Variants in DMD observed in about 807,000 individuals in gnomAD.
The protein encoded by DMD is dystrophin.
A neutral mutation model predicts 330.1 loss-of-function variants in DMD; 63 were observed. The observed-to-expected ratio is 0.19, with a 90% CI of 0.16 to 0.24. The LOEUF (loss-of-function observed/expected upper bound fraction) is 0.24, where lower values mean the gene tolerates loss of function less well. Ranked by LOEUF, DMD falls within the 10% of genes least tolerant of loss-of-function variation. The pLI is 1.00. For synonymous variants in DMD, 1,223 were observed against 959.8 expected (o/e 1.27, Z -5.07); for missense variants, 3,344 against 2,684.1 (o/e 1.25, Z -5.43).
intron 61 of DMD, among the ~76,000 whole-genome samples, chrX:31,333,064 AT>A (rs2057220133): frequency 9.0e-6 from 1 of 111,563 alleles, no homozygotes; most frequent in African/African-American, 3.3e-5. Context: ...TCTTTAAAAA[AT>A]GTTACGCGGT....
chrX:31,621,617 T>C (rs2078536092), intron 55 of DMD, among the ~76,000 whole-genome samples: 1 of 111,861 alleles, frequency 8.9e-6, no homozygotes, highest in Non-Finnish European at 1.9e-5. Flanking sequence ...TTAAACCTGA[T>C]AAAATCCTGT....
intron 55 of DMD, 65 bp downstream of exon 55, chrX:31,627,608 G>A: frequency 1.8e-6 from 2 of 1,133,264 alleles, no homozygotes; most frequent in Non-Finnish European, 2.4e-6. Context: ...TCAGTTACAA[G>A]TACAAATGCT....
chrX:32,664,311 C>G (rs1396726144), intron 9 of DMD, among the ~76,000 whole-genome samples: 5 of 104,023 alleles, frequency 4.8e-5, no homozygotes, highest in Non-Finnish European at 7.9e-5. Flanking sequence ...GCGCGATATC[C>G]GCTCACTACA....
At chrX:32,701,482 G>T (rs1668788816) in intron 7 of DMD, among the ~76,000 whole-genome samples, 1 of 111,486 alleles carries the variant, frequency 9.0e-6, no homozygotes, top group Non-Finnish European at 1.9e-5. Context: ...CTGAAGCCTA[G>T]AAATCTCCAA....
intron 42 of DMD, among the ~76,000 whole-genome samples, chrX:32,308,614 A>G (rs924434378): frequency 9.0e-6 from 1 of 111,121 alleles, no homozygotes; most frequent in African/African-American, 3.3e-5. Flanking sequence ...CAATAATACC[A>G]TATTATAAAC....
At chrX:31,329,628 G>A (rs2056983628) in intron 61 of DMD, among the ~76,000 whole-genome samples, 1 of 111,097 alleles carries the variant, frequency 9.0e-6, no homozygotes, top group Non-Finnish European at 1.9e-5. Flanking sequence ...ACAACATAGT[G>A]CCTATAGTTA....
In DMD at chrX:32,010,189, C is replaced by T. The variant is rs899024991; in HGVS notation, c.6439-41675G>A. Among the ~76,000 whole-genome samples, 11 of 111,397 alleles carry T rather than the reference C, an allele frequency of 9.9e-5. 1 individual carries two copies. The highest frequency in any genetic ancestry group is 8.6e-4 in the Admixed American group (9 of 10,495). ...GAATGAATGGATAATGAATGTTGTG[C>T]GCATTCAGTAACATGAAGCACATGA... On this transcript the variant is annotated intron_variant, in intron 44 of 78. Coordinates refer to ENST00000357033, the MANE Select transcript of DMD (RefSeq NM_004006.3).
chrX:33,069,875 C>A (rs1200772901), intron 1 of DMD, among the ~76,000 whole-genome samples: 1 of 111,814 alleles, frequency 8.9e-6, no homozygotes, highest in Non-Finnish European at 1.9e-5. Flanking sequence ...ACTATAGTAT[C>A]TCTTCCTGTT....
chrX:32,816,667 G>A, intron 5 of DMD, 27 bp from the exon 6 acceptor site: 1 of 1,181,566 alleles, frequency 8.5e-7, no homozygotes, highest in Non-Finnish European at 1.2e-6. Context: ...ATTTTCATAA[G>A]AAAATGCATT....
intron 1 of DMD, among the ~76,000 whole-genome samples, chrX:33,120,155 C>T (rs147027686): frequency 4.5e-5 from 5 of 112,012 alleles, no homozygotes; most frequent in African/African-American, 1.6e-4. Flanking sequence ...CAGACAGACA[C>T]TGAGGCAAGG....
intron 63 of DMD, among the ~76,000 whole-genome samples, chrX:31,227,969 A>C: frequency 9.2e-6 from 1 of 108,600 alleles, no homozygotes; most frequent in Non-Finnish European, 1.9e-5. Flanking sequence ...GACATGGATG[A>C]AATTGGAAAT....
intron 43 of DMD, among the ~76,000 whole-genome samples, chrX:32,256,211 G>A (rs1027000864): frequency 1.6e-4 from 18 of 110,567 alleles, no homozygotes; most frequent in African/African-American, 4.6e-4. Context: ...TTCTTGTTGC[G>A]TTGCTCCCTT....
intron 47 of DMD, among the ~76,000 whole-genome samples, chrX:31,915,399 CA>C (rs1187086468): frequency 2.7e-5 from 3 of 112,062 alleles, no homozygotes; most frequent in African/African-American, 9.7e-5. Context: ...GAAAGATACA[CA>C]TATCTATATT....
chrX:32,105,390 T>C (rs1259683357), intron 44 of DMD, among the ~76,000 whole-genome samples: 1 of 112,206 alleles, frequency 8.9e-6, no homozygotes, highest in Admixed American at 9.5e-5. Flanking sequence ...ACAGAAATTG[T>C]AACATTTATA....
rs1418429128 is a variant in DMD, at chrX:32,452,395, G to GA, written c.3603+2266dup. ...GGAAAGGGAAAGGGAAAGGGAAAGG[G>GA]AAGGGAAAGGAAAGGGAAAGGGAAA... is the stretch of plus-strand genomic sequence containing the variant. On this transcript the variant is annotated intron_variant, in intron 26 of 78. Coordinates refer to ENST00000357033, the MANE Select transcript of DMD (RefSeq NM_004006.3). 8.8e-3 allele frequency among the ~76,000 whole-genome samples: 93 copies of GA among 10,535 alleles called. 13 individuals are homozygous for GA. The highest frequency in any genetic ancestry group is 0.018 in the East Asian group (3 of 166). The allele number at this position is 10,535 out of a possible 115,157, so 9.1% of individuals were successfully genotyped here.
chrX:32,804,387 G>A (rs777100687), intron 7 of DMD, among the ~76,000 whole-genome samples: 10 of 112,428 alleles, frequency 8.9e-5, no homozygotes, highest in Non-Finnish European at 1.7e-4. Flanking sequence ...GCCCACTGTA[G>A]CTCAGCAAAG....
intron 11 of DMD, among the ~76,000 whole-genome samples, chrX:32,622,171 G>C (rs188039824): frequency 1.5e-3 from 167 of 111,562 alleles, no homozygotes; most frequent in African/African-American, 5.2e-3. Flanking sequence ...ACAGAGAGAA[G>C]TGTGACTGCC....
chrX:31,611,711 C>T (rs1207740431), intron 55 of DMD, among the ~76,000 whole-genome samples: 4 of 111,099 alleles, frequency 3.6e-5, no homozygotes, highest in African/African-American at 1.3e-4. Context: ...CAAGCATGAG[C>T]TCCCACACCC....
chrX:31,999,317 G>A (rs1032189442), intron 44 of DMD, among the ~76,000 whole-genome samples: 9 of 111,604 alleles, frequency 8.1e-5, no homozygotes, highest in African/African-American at 1.9e-4. Context: ...ATTATTTCAC[G>A]GGAAATTTAT....
Sources: gnomAD v4.1 joint callset for allele counts (sites outside exome capture counted in the v4.1 genomes callset) on GRCh38, gnomAD v4.1.1 for gene constraint, MANE v1.5 for transcripts, NCBI Gene and HGNC (gene_info 2026-07-23, HGNC 2026-07-21) for gene names.